FAF1: variants seen among roughly 807,000 people sequenced by gnomAD.
The protein encoded by FAF1 is FAS-associated factor 1.
In FAF1, 25 loss-of-function variants were observed where a neutral mutation model predicts 92.5. That is an observed-to-expected ratio of 0.27 (90% confidence interval 0.20 to 0.38). FAF1 has a LOEUF of 0.38. Among genes scored for constraint, FAF1 ranks in the 10% least tolerant of loss-of-function variants. The probability of loss-of-function intolerance (pLI) is 1.00; values close to 1 mark genes in which losing one functional copy is unlikely to be tolerated. For missense variants in FAF1, 636 were observed against 793.3 expected (o/e 0.80, Z 2.38); for synonymous variants, 234 against 273.2 (o/e 0.86, Z 1.42).
At chr1:50,860,966 C>A (rs376874167) in intron 1 of FAF1, among the ~76,000 whole-genome samples, 2 of 151,728 alleles carry the variant, frequency 1.3e-5, no homozygotes, top group Non-Finnish European at 2.9e-5. Flanking sequence ...TAATCCTAAG[C>A]GAATTAATGC....
rs1650767088 is a variant in FAF1 at position 50,576,827 on chromosome 1, T to G, written c.1113+5791A>C. Among the ~76,000 whole-genome samples the G allele has an allele frequency of 2.6e-5, 3 of 116,312 alleles. No individual in the cohort carries two copies. The South Asian group carries it at 7.4e-4, about 29-fold the overall frequency. 76.3% of individuals were successfully genotyped at this position (116,312 alleles called of 152,430 possible). A position where few individuals can be genotyped will look rare whatever the true frequency, so the allele number is the denominator to read the frequency against. The stretch of plus-strand genomic sequence containing the variant: ...CTGACTAACTGTTTTTGTTTGTTCG[T>G]TTTTCTTTTTTTTTTTTTTGTAGAG... On this transcript the variant is annotated intron_variant, in intron 12 of 18. Transcript: ENST00000396153.
At chr1:50,780,837 G>A (rs1411247822) in intron 4 of FAF1, 3 of 437,802 alleles carry the variant, frequency 6.9e-6, no homozygotes, top group African/African-American at 4.0e-5. Context: ...CCTGGATAAC[G>A]TGTCCTTGAT....
intron 7 of FAF1, among the ~76,000 whole-genome samples, chr1:50,687,991 T>A (rs965745916): frequency 6.0e-5 from 9 of 150,662 alleles, no homozygotes; most frequent in Non-Finnish European, 8.9e-5. Context: ...AAAAATTAGC[T>A]GGGCGTGGTG....
At chr1:50,904,905 A>G (rs1385421108) in intron 1 of FAF1, among the ~76,000 whole-genome samples, 1 of 150,332 alleles carries the variant, frequency 6.7e-6, no homozygotes, top group East Asian at 1.9e-4. Flanking sequence ...TTTTTAATAT[A>G]CTTTAAGTTC....
chr1:50,722,631 A>G (rs964130303), intron 6 of FAF1, among the ~76,000 whole-genome samples: 1 of 148,454 alleles, frequency 6.7e-6, no homozygotes, highest in Non-Finnish European at 1.5e-5. Flanking sequence ...CCTGGGCGAC[A>G]GAGAGCGACA....
chr1:50,685,625 T>C (rs534008105), intron 7 of FAF1, among the ~76,000 whole-genome samples: 3 of 152,340 alleles, frequency 2.0e-5, no homozygotes, highest in South Asian at 4.1e-4. Flanking sequence ...AGCAGGACCA[T>C]TGTGTTGCAC....
At chr1:50,526,589 C>G (rs973869956) in intron 15 of FAF1, among the ~76,000 whole-genome samples, 7 of 151,922 alleles carry the variant, frequency 4.6e-5, no homozygotes, top group Non-Finnish European at 1.0e-4. Flanking sequence ...CAGGCATGAG[C>G]CACTGTGCCC....
At chr1:50,880,207 C>T (rs911918351) in intron 1 of FAF1, among the ~76,000 whole-genome samples, 2 of 151,740 alleles carry the variant, frequency 1.3e-5, no homozygotes, top group Non-Finnish European at 2.9e-5. Context: ...TGATGTCAAG[C>T]AATAAACAGA....
At chr1:50,678,038 T>G (rs1161692106) in intron 7 of FAF1, among the ~76,000 whole-genome samples, 51 of 152,194 alleles carry the variant, frequency 3.4e-4, no homozygotes, top group Admixed American at 3.3e-3. Flanking sequence ...TACAGTACCC[T>G]AGTCAGTCAA....
chr1:50,727,653 GTA>G (rs1296537805), intron 6 of FAF1, among the ~76,000 whole-genome samples: 1 of 152,208 alleles, frequency 6.6e-6, no homozygotes, highest in Non-Finnish European at 1.5e-5. Context: ...TTGATTGAAA[GTA>G]TTGCTCCCTT....
chr1:50,799,864 A>AT (rs1301073226), intron 3 of FAF1, among the ~76,000 whole-genome samples: 1 of 152,230 alleles, frequency 6.6e-6, no homozygotes, highest in African/African-American at 2.4e-5. Context: ...TGTTCAGCTT[A>AT]TAAGAAAGTA....
intron 3 of FAF1, among the ~76,000 whole-genome samples, chr1:50,792,006 T>C (rs937830994): frequency 4.6e-5 from 7 of 152,186 alleles, no homozygotes; most frequent in Non-Finnish European, 7.3e-5. Context: ...ATTCCATGCA[T>C]TGGCATAATG....
chr1:50,906,428 G>A (rs369682545), intron 1 of FAF1, among the ~76,000 whole-genome samples: 6 of 152,162 alleles, frequency 3.9e-5, no homozygotes, highest in Middle Eastern at 3.4e-3. Flanking sequence ...AGTCATTGGT[G>A]GCTTGATGGG....
At chr1:50,817,753 A>G (rs952194451) in intron 2 of FAF1, among the ~76,000 whole-genome samples, 2 of 152,188 alleles carry the variant, frequency 1.3e-5, no homozygotes, top group African/African-American at 2.4e-5. Flanking sequence ...ATGTCCTAAA[A>G]TTAGATTATA....
intron 7 of FAF1, among the ~76,000 whole-genome samples, chr1:50,684,037 T>C (rs1473156994): frequency 6.6e-6 from 1 of 152,194 alleles, no homozygotes; most frequent in Non-Finnish European, 1.5e-5. Context: ...TAGTTACCTC[T>C]TATAATGTGA....
intron 1 of FAF1, among the ~76,000 whole-genome samples, chr1:50,900,358 C>G (rs1293049738): frequency 6.6e-6 from 1 of 152,088 alleles, no homozygotes; most frequent in African/African-American, 2.4e-5. Context: ...TTCAATTATT[C>G]TAATCTTTGG....
chr1:50,886,359 G>C (rs1644664094), intron 1 of FAF1, among the ~76,000 whole-genome samples: 1 of 151,950 alleles, frequency 6.6e-6, no homozygotes, highest in Non-Finnish European at 1.5e-5. Context: ...TATTATTCCA[G>C]GGTCAAAGTT....
chr1:50,449,986 G>C (rs1276129984), intron 18 of FAF1, among the ~76,000 whole-genome samples: 1 of 151,722 alleles, frequency 6.6e-6, no homozygotes, highest in Non-Finnish European at 1.5e-5. Context: ...CTTGAGGTCA[G>C]GAGTTCGAGA....
chr1:50,954,389 A>C (rs969320573), intron 1 of FAF1, among the ~76,000 whole-genome samples: 1 of 152,132 alleles, frequency 6.6e-6, no homozygotes, highest in Middle Eastern at 3.2e-3. Flanking sequence ...AAAACAGGTA[A>C]CACCAGGCCA....
Sources: gnomAD v4.1 joint callset for allele counts (sites outside exome capture counted in the v4.1 genomes callset) on GRCh38, gnomAD v4.1.1 for gene constraint, MANE v1.5 for transcripts, NCBI Gene and HGNC (gene_info 2026-07-23, HGNC 2026-07-21) for gene names.